The following MECR variants were observed in gnomAD, a reference collection of about 807,000 sequenced individuals.
MECR encodes enoyl-[acyl-carrier-protein] reductase, mitochondrial.
MECR carries 37 observed loss-of-function variants against 49.1 expected under a neutral mutation model. That is an observed-to-expected ratio of 0.75 (90% CI 0.58 to 0.99). The LOEUF is 0.99. Among genes scored for constraint, MECR ranks in the 50% least tolerant of loss-of-function variants. MECR has a pLI of 0.00. For synonymous variants in MECR, 198 were observed against 191.1 expected, an observed-to-expected ratio of 1.04 and a Z score of -0.30; for missense variants, 470 against 479.6, an observed-to-expected ratio of 0.98 and a Z score of 0.19.
intron 1 of MECR, among the ~76,000 whole-genome samples, chr1:29,225,152 C>T (rs1308404757): frequency 6.6e-6 from 1 of 152,238 alleles, no homozygotes; most frequent in African/African-American, 2.4e-5. Context: ...GATGTGGAAT[C>T]CGCTTAAGCT....
chr1:29,180,700 C>G, the MECR span, among the ~76,000 whole-genome samples: 1 of 152,162 alleles, frequency 6.6e-6, no homozygotes, highest in African/African-American at 2.4e-5. Context: ...CCTTCCAAGC[C>G]CTACCTAACA....
At chr1:29,215,109 G>A (rs1383950416) in intron 3 of MECR, among the ~76,000 whole-genome samples, 4 of 152,138 alleles carry the variant, frequency 2.6e-5, no homozygotes, top group South Asian at 2.1e-4. Context: ...GAACTCCTGG[G>A]CTCACGTGAT....
intron 1 of MECR, among the ~76,000 whole-genome samples, chr1:29,221,455 G>C (rs1333531739): frequency 1.3e-5 from 2 of 152,244 alleles, no homozygotes; most frequent in African/African-American, 4.8e-5. Flanking sequence ...TTTCCTGCCA[G>C]AGGGAATGAC....
At chr1:29,207,550 G>T (rs985628859) in intron 3 of MECR, among the ~76,000 whole-genome samples, 5 of 151,344 alleles carry the variant, frequency 3.3e-5, no homozygotes, top group African/African-American at 1.2e-4. Flanking sequence ...GACCAGCCTG[G>T]GCAACATAGT....
the MECR span, among the ~76,000 whole-genome samples, chr1:29,178,040 CA>C: frequency 2.0e-5 from 3 of 151,610 alleles, no homozygotes; most frequent in African/African-American, 7.3e-5. Flanking sequence ...GCTGGGATTA[CA>C]GGTGCCCACC....
chr1:29,218,913 G>A (rs1680110107), intron 1 of MECR, among the ~76,000 whole-genome samples: 1 of 152,122 alleles, frequency 6.6e-6, no homozygotes, highest in African/African-American at 2.4e-5. Context: ...TCATACTATT[G>A]TTCTGCTTTT....
chr1:29,201,358 G>C lies in MECR; in HGVS notation c.756+585C>G, dbSNP rs760827495. 2 of 530,318 alleles carry C rather than the reference G, an allele frequency of 3.8e-6. No individual in the cohort carries two copies. Among genetic ancestry groups the C allele is most frequent in the Non-Finnish European group, 7.7e-6 (2 of 259,146 alleles). The allele number at this position is 530,318 out of a possible 1,614,324, so 32.9% of individuals were successfully genotyped here. A position where few individuals can be genotyped will look rare whatever the true frequency, so the allele number is the denominator to read the frequency against. On this transcript the variant is annotated intron_variant, in intron 6 of 9. Coordinates refer to ENST00000263702, the MANE Select transcript of MECR (RefSeq NM_016011.5). The surrounding 1 kb of genome is among the most constrained non-coding windows in gnomAD (Gnocchi z 4.3). ...AGATGGTTCAGTGAAAAGGGGCTGA[G>C]GGTCTGGTCACTTACTAGGCATGTT...
intron 2 of MECR, 82 bp from the exon 3 acceptor site, chr1:29,216,218 G>C (rs929451636): frequency 2.9e-5 from 45 of 1,540,068 alleles, no homozygotes; most frequent in Non-Finnish European, 6.2e-6. Context: ...GCCATCCTAG[G>C]CCTGATCTGG....
intron 3 of MECR, among the ~76,000 whole-genome samples, chr1:29,214,061 C>CT (rs1200557418): frequency 0.046 from 6,426 of 138,500 alleles, 164 homozygotes; most frequent in Non-Finnish European, 0.053. Context: ...AATCAACTTT[C>CT]TTTTTTTTTT....
intron 2 of MECR, 135 bp downstream of exon 2, chr1:29,216,453 G>T: frequency 1.1e-6 from 1 of 945,084 alleles, no homozygotes; most frequent in Non-Finnish European, 1.7e-6. Flanking sequence ...GGCTGACACA[G>T]CCTGCAGACG....
downstream of MECR, among the ~76,000 whole-genome samples, chr1:29,191,035 C>T (rs934481162): frequency 6.6e-6 from 1 of 152,154 alleles, no homozygotes; most frequent in East Asian, 1.9e-4. Context: ...CTGCTCTCTT[C>T]GTCTGTAATG....
At position 29,200,898 on chromosome 1, in the gene MECR, C is replaced by T. The variant is rs563805705; in HGVS notation, c.757-309G>A. 2.6e-5 allele frequency among the ~76,000 whole-genome samples: 4 copies of T among 152,250 alleles called. 1 individual carries two copies. The South Asian group carries it at 8.3e-4, about 32-fold the overall frequency. ...TACCCTCCTGGGCTCAAGCAATCCT[C>T]CCACCTCAGCCTCCCAAGTAGCTGG... On this transcript the variant is annotated intron_variant, in intron 6 of 9. Transcript: ENST00000263702.
chr1:29,188,778 T>G (rs764908781), downstream of MECR, among the ~76,000 whole-genome samples: 6 of 151,954 alleles, frequency 3.9e-5, no homozygotes, highest in Admixed American at 2.0e-4. Context: ...TAGCTGGGAT[T>G]ACAGGCGCCC....
chr1:29,188,643 T>C (rs1406094937), downstream of MECR, among the ~76,000 whole-genome samples: 2 of 136,940 alleles, frequency 1.5e-5, no homozygotes, highest in African/African-American at 2.7e-5. Context: ...GTAATGCCTA[T>C]TTGTCTTTTT....
At chr1:29,181,300 C>T in the MECR span, among the ~76,000 whole-genome samples, 2 of 152,232 alleles carry the variant, frequency 1.3e-5, no homozygotes, top group African/African-American at 4.8e-5. Context: ...TACCCAGAAA[C>T]GAATAGGGCC....
At chr1:29,173,315 A>ATT in the MECR span, 128 of 142,844 alleles carry the variant, frequency 9.0e-4, no homozygotes, top group East Asian at 0.017. Flanking sequence ...TTTTTTTTGT[A>ATT]TTTTTTTTTT....
rs564295965 is a variant in MECR, at chr1:29,205,522, G to A, written c.550+1240C>T. Among the ~76,000 whole-genome samples the A allele has an allele frequency of 7.9e-4, 120 of 151,900 alleles. 2 individuals are homozygous for A. The highest frequency in any genetic ancestry group is 2.5e-3 in the African/African-American group (104 of 41,440). The stretch of plus-strand genomic sequence containing the variant: ...CTGCAGTGGGTTCTGAGAGTCTTCA[G>A]AGGGCCCCAGCAAGACTGAGCAGGC... On this transcript the variant is annotated intron_variant, in intron 4 of 9. Coordinates refer to ENST00000263702, the MANE Select transcript of MECR (RefSeq NM_016011.5).
chr1:29,204,628 TC>T (rs1413011528), intron 4 of MECR, among the ~76,000 whole-genome samples: 5 of 152,208 alleles, frequency 3.3e-5, no homozygotes, highest in African/African-American at 7.2e-5. Context: ...CTAAGTTTAT[TC>T]AACAGTGATC....
chr1:29,196,634 G>C (rs1674063553), intron 7 of MECR, among the ~76,000 whole-genome samples: 1 of 152,162 alleles, frequency 6.6e-6, no homozygotes, highest in South Asian at 2.1e-4. Context: ...GTTGCAGTGA[G>C]CCCTGATCGC....
Sources: gnomAD v4.1 joint callset for allele counts (sites outside exome capture counted in the v4.1 genomes callset) on GRCh38, gnomAD v4.1.1 for gene constraint, Gnocchi (gnomAD v3.1) non-coding constraint, MANE v1.5 for transcripts, NCBI Gene and HGNC (gene_info 2026-07-23, HGNC 2026-07-21) for gene names.